TAFA1: variants seen among roughly 807,000 people sequenced by gnomAD.
TAFA1 encodes TAFA chemokine like family member 1.
In TAFA1, 4 loss-of-function variants were observed where a neutral mutation model predicts 18.5. The observed-to-expected ratio is 0.22, with a 90% CI of 0.11 to 0.49. The LOEUF is 0.49. Ranked by LOEUF, TAFA1 falls within the 20% of genes least tolerant of loss-of-function variation. The probability of loss-of-function intolerance (pLI) is 0.98; values close to 1 mark genes in which losing one functional copy is unlikely to be tolerated. For synonymous variants in TAFA1, 56 were observed against 55.2 expected, an observed-to-expected ratio of 1.01 and a Z score of -0.06; for missense variants, 147 against 169.0, an observed-to-expected ratio of 0.87 and a Z score of 0.72.
At chr3:68,404,598 G>C (rs947592564) in intron 2 of TAFA1, among the ~76,000 whole-genome samples, 1 of 152,036 alleles carries the variant, frequency 6.6e-6, no homozygotes, top group Non-Finnish European at 1.5e-5. Context: ...AGGAGTTCAA[G>C]ACAGCCTGGC....
intron 2 of TAFA1, among the ~76,000 whole-genome samples, chr3:68,008,544 G>T (rs886378461): frequency 6.6e-6 from 1 of 152,114 alleles, no homozygotes; most frequent in African/African-American, 2.4e-5. Context: ...TGAAAGGTTA[G>T]GTGGCTTGTC....
intron 2 of TAFA1, among the ~76,000 whole-genome samples, chr3:68,357,600 C>T (rs1018111120): frequency 1.3e-5 from 2 of 151,840 alleles, no homozygotes; most frequent in African/African-American, 2.4e-5. Context: ...GCTAGGCCAG[C>T]CAAGTAGAAA....
intron 2 of TAFA1, among the ~76,000 whole-genome samples, chr3:68,070,772 C>G (rs924843300): frequency 1.3e-5 from 2 of 152,206 alleles, no homozygotes; most frequent in Non-Finnish European, 2.9e-5. Flanking sequence ...CTCTCAAGTT[C>G]AAAGTTCCAC....
At chr3:68,394,001 A>T (rs531574275) in intron 2 of TAFA1, among the ~76,000 whole-genome samples, 3 of 152,212 alleles carry the variant, frequency 2.0e-5, no homozygotes. Context: ...ATAGTATTGG[A>T]AGTTCTAGCC....
chr3:68,356,095 G>A (rs1054936451), intron 2 of TAFA1, among the ~76,000 whole-genome samples: 1 of 151,852 alleles, frequency 6.6e-6, no homozygotes, highest in Non-Finnish European at 1.5e-5. Context: ...CAACACAAAT[G>A]TAGAACATTT....
At chr3:68,347,452 CTT>C (rs1314982812) in intron 2 of TAFA1, among the ~76,000 whole-genome samples, 2 of 152,182 alleles carry the variant, frequency 1.3e-5, no homozygotes, top group East Asian at 1.9e-4. Context: ...CACCATAACA[CTT>C]TCTGTATAAC....
chr3:68,205,771 C>A (rs1193889295), intron 2 of TAFA1, among the ~76,000 whole-genome samples: 1 of 151,766 alleles, frequency 6.6e-6, no homozygotes, highest in African/African-American at 2.4e-5. Context: ...GGAAAAAGAA[C>A]AATTAGTCAC....
intron 2 of TAFA1, among the ~76,000 whole-genome samples, chr3:68,368,038 C>A (rs1414889092): frequency 2.0e-5 from 3 of 152,040 alleles, no homozygotes; most frequent in Non-Finnish European, 4.4e-5. Context: ...CCCAGTGATA[C>A]TCTAAAAGCT....
intron 2 of TAFA1, among the ~76,000 whole-genome samples, chr3:68,081,045 T>C (rs368308148): frequency 2.0e-5 from 3 of 152,118 alleles, no homozygotes; most frequent in African/African-American, 4.8e-5. Flanking sequence ...CTTCCCTTCT[T>C]GCTTCATTTC....
At chr3:68,250,779 T>G (rs1001657668) in intron 2 of TAFA1, 3 of 148,700 alleles carry the variant, frequency 2.0e-5, no homozygotes, top group Admixed American at 6.7e-5. Flanking sequence ...CATTTGTTGT[T>G]TTTTTTTTTT....
At chr3:68,485,925 T>C (rs1207775889) in intron 3 of TAFA1, among the ~76,000 whole-genome samples, 2 of 152,120 alleles carry the variant, frequency 1.3e-5, no homozygotes, top group East Asian at 3.9e-4. Context: ...AGAACTTTCC[T>C]TCACTGATAA....
chr3:68,138,038 C>G (rs796342397), intron 2 of TAFA1, among the ~76,000 whole-genome samples: 14 of 150,836 alleles, frequency 9.3e-5, no homozygotes, highest in African/African-American at 3.4e-4. Flanking sequence ...AAAATTAGGG[C>G]AAAGAATTTG....
At position 68,031,501 on chromosome 3, in the gene TAFA1, G is replaced by T. The variant is rs544651025; in HGVS notation, c.118+24757G>T. The stretch of plus-strand genomic sequence containing the variant: ...CAAGAAGTATGTGCTGAGTAAAGGT[G>T]TGAGGACAAAGAAAGAATAATCATT... On this transcript the variant is annotated intron_variant, in intron 2 of 4. Transcript: ENST00000478136. Among the ~76,000 whole-genome samples the T allele has an allele frequency of 2.0e-5, 3 of 152,288 alleles. No individual in the cohort carries two copies. The East Asian group carries it at 5.8e-4, about 29-fold the overall frequency.
intron 2 of TAFA1, among the ~76,000 whole-genome samples, chr3:68,176,644 C>A (rs1294057572): frequency 6.6e-6 from 1 of 152,200 alleles, no homozygotes; most frequent in Non-Finnish European, 1.5e-5. Context: ...GTTGCATGCA[C>A]ATACACATAC....
At chr3:68,302,346 A>G (rs542958012) in intron 2 of TAFA1, among the ~76,000 whole-genome samples, 2 of 152,266 alleles carry the variant, frequency 1.3e-5, no homozygotes, top group East Asian at 1.9e-4. Flanking sequence ...AACACCATAC[A>G]CATGTCCAGA....
chr3:68,314,570 C>A (rs2068575847), intron 2 of TAFA1, among the ~76,000 whole-genome samples: 1 of 152,180 alleles, frequency 6.6e-6, no homozygotes, highest in Non-Finnish European at 1.5e-5. Context: ...ATATAGTACA[C>A]ATATTTGTGT....
rs1559711942 is a variant in TAFA1 at position 68,540,185 on chromosome 3, T to C, written c.384+1305T>C. On this transcript the variant is annotated intron_variant, in intron 4 of 4. Coordinates refer to ENST00000478136, the MANE Select transcript of TAFA1 (RefSeq NM_213609.4). ...TTCACATATAAAATAGGTGAAAACA[T>C]CTTGTGTATCAAATTTCCTTGCCTT... Among the ~76,000 whole-genome samples the C allele has an allele frequency of 2.0e-5, 3 of 151,984 alleles. No homozygotes were observed. The East Asian group carries it at 5.8e-4, about 29-fold the overall frequency.
chr3:68,153,094 G>T (rs1230199329), intron 2 of TAFA1, among the ~76,000 whole-genome samples: 1 of 152,234 alleles, frequency 6.6e-6, no homozygotes, highest in African/African-American at 2.4e-5. Context: ...ACTCATGAAT[G>T]GACAAAATGA....
intron 2 of TAFA1, among the ~76,000 whole-genome samples, chr3:68,107,632 C>T (rs574500486): frequency 1.2e-4 from 18 of 152,142 alleles, no homozygotes; most frequent in East Asian, 5.8e-4. Flanking sequence ...AACTGTCAAG[C>T]GAGCTATAGT....
Sources: allele counts gnomAD v4.1 joint callset (sites outside exome capture counted in the v4.1 genomes callset), GRCh38; gene constraint gnomAD v4.1.1; transcripts MANE v1.5; gene names NCBI Gene and HGNC (gene_info 2026-07-23, HGNC 2026-07-21).